The following RCOR1 variants were observed in gnomAD, a reference collection of about 807,000 sequenced individuals.
RCOR1 encodes REST corepressor 1, also known as REST corepressor.
A neutral mutation model predicts 64.0 loss-of-function variants in RCOR1; 12 were observed. The ratio of observed to expected loss-of-function variants is 0.19; its 90% CI spans 0.12 to 0.30. RCOR1 has a LOEUF of 0.30. RCOR1 is among the 10% of genes least tolerant of loss of function. RCOR1 has a pLI of 1.00. For synonymous variants in RCOR1, 279 were observed against 227.2 expected (o/e 1.23, Z -2.05); for missense variants, 502 against 621.2 (o/e 0.81, Z 2.04).
intron 3 of RCOR1, among the ~76,000 whole-genome samples, chr14:102,700,784 CTG>C (rs1356056738): frequency 6.6e-6 from 1 of 152,144 alleles, no homozygotes; most frequent in African/African-American, 2.4e-5. Context: ...TGTTTTGTTA[CTG>C]TGTGTTCTTT....
intron 2 of RCOR1, among the ~76,000 whole-genome samples, chr14:102,656,777 C>CTTTTTTTT (rs200671967): frequency 6.8e-6 from 1 of 146,500 alleles, no homozygotes; most frequent in Non-Finnish European, 1.5e-5. Context: ...GGTTTCTTTT[C>CTTTTTTTT]TTTTCTTTTT....
chr14:102,701,828 C>T (rs1440979086), intron 4 of RCOR1, among the ~76,000 whole-genome samples: 1 of 152,116 alleles, frequency 6.6e-6, no homozygotes, highest in Non-Finnish European at 1.5e-5. Flanking sequence ...AAGTAGTTCT[C>T]GTAATTCTCG....
At chr14:102,613,625 G>A (rs1411494479) in intron 2 of RCOR1, among the ~76,000 whole-genome samples, 2 of 151,424 alleles carry the variant, frequency 1.3e-5, no homozygotes, top group East Asian at 3.9e-4. Context: ...GTAGAGACGG[G>A]GTTTCACCAT....
rs192840730 is a variant in RCOR1 at position 102,626,955 on chromosome 14, C to G, written c.361+33630C>G. 1.6e-3 allele frequency among the ~76,000 whole-genome samples: 248 copies of G among 152,332 alleles called. 1 individual carries two copies. The highest frequency in any genetic ancestry group is 2.9e-3 in the Non-Finnish European group (198 of 68,034). Reference sequence around the variant, plus strand: ...GGCTGGAGAAACCATACTGATCACTCTGACTTCACAGTCATGATTACCAAG... The same window carrying G: ...GGCTGGAGAAACCATACTGATCACTGTGACTTCACAGTCATGATTACCAAG... On this transcript the variant is annotated intron_variant, in intron 2 of 11. Transcript: ENST00000262241.
At chr14:102,645,663 A>C (rs758837424) in intron 2 of RCOR1, among the ~76,000 whole-genome samples, 1 of 152,230 alleles carries the variant, frequency 6.6e-6, no homozygotes, top group Non-Finnish European at 1.5e-5. Context: ...TCCAGGTGCC[A>C]AAATCTGTTC....
At chr14:102,675,416 A>C (rs1895124365) in intron 2 of RCOR1, among the ~76,000 whole-genome samples, 1 of 152,338 alleles carries the variant, frequency 6.6e-6, no homozygotes. Context: ...ACAAAAAATA[A>C]TAAAATGAAC....
rs1595184097 is a variant in RCOR1, at chr14:102,592,691, C to T, written c.-196C>T. 5 of 1,228,160 alleles carry T rather than the reference C, an allele frequency of 4.1e-6. No homozygotes were observed. In the African/African-American group the frequency reaches 4.7e-5, roughly 11 times the overall value. The allele number at this position is 1,228,160 out of a possible 1,614,324, so 76.1% of individuals were successfully genotyped here. On this transcript the variant is annotated 5_prime_UTR_variant, in exon 1 of 12. Transcript: ENST00000262241. ...GGCGGCGATGAGAGCGAAAGTTGCGCTCGGCTCGTCGCTGGGGGCTTGAAG... is the reference window on the plus strand; with the variant it reads ...GGCGGCGATGAGAGCGAAAGTTGCGTTCGGCTCGTCGCTGGGGGCTTGAAG...
intron 8 of RCOR1, 69 bp downstream of exon 8, chr14:102,714,686 A>G: frequency 6.5e-6 from 8 of 1,225,912 alleles, no homozygotes; most frequent in Non-Finnish European, 9.1e-6. Flanking sequence ...TGTTATTCAT[A>G]TATGTGAATG....
At chr14:102,653,994 T>C (rs1456226561) in intron 2 of RCOR1, among the ~76,000 whole-genome samples, 1 of 121,714 alleles carries the variant, frequency 8.2e-6, no homozygotes, top group Non-Finnish European at 1.6e-5. Flanking sequence ...TTTTTTTTTT[T>C]TTTTTTTTTG....
Position 102,707,515 on chromosome 14 carries a change from A to G in RCOR1, c.660+3A>G, listed in dbSNP as rs763718967. 2 of 1,601,032 alleles carry G rather than the reference A, an allele frequency of 1.2e-6. No individual in the cohort carries two copies. The highest frequency in any genetic ancestry group is 1.7e-6 in the Non-Finnish European group (2 of 1,175,854). ...CTTTTCATAGAATCCAACAAATGGT[A>G]AGTAGATGAGACCACTGAGTTCTAT... On this transcript the variant is annotated splice_donor_region_variant and intron_variant, in intron 5 of 11. Coordinates refer to ENST00000262241, the MANE Select transcript of RCOR1 (RefSeq NM_015156.4).
chr14:102,706,171 A>G (rs896519344), intron 4 of RCOR1, among the ~76,000 whole-genome samples: 3 of 150,954 alleles, frequency 2.0e-5, no homozygotes, highest in African/African-American at 7.3e-5. Flanking sequence ...CAGGAAATGA[A>G]GGACATAAAA....
chr14:102,637,375 G>A (rs1028355964), intron 2 of RCOR1, among the ~76,000 whole-genome samples: 1 of 151,876 alleles, frequency 6.6e-6, no homozygotes, highest in Non-Finnish European at 1.5e-5. Context: ...TGATCTACCT[G>A]CCTTGGCCTC....
chr14:102,725,660 C>A (rs1224399886), intron 11 of RCOR1, among the ~76,000 whole-genome samples: 1 of 152,150 alleles, frequency 6.6e-6, no homozygotes, highest in East Asian at 1.9e-4. Context: ...TCACTGCAGC[C>A]TCCATCTCCC....
chr14:102,706,142 A>AAAAAAAAAAAAAAAAAAAAAAAAAAAC (rs1281591870), intron 4 of RCOR1, among the ~76,000 whole-genome samples: 1 of 138,534 alleles, frequency 7.2e-6, no homozygotes, highest in African/African-American at 2.7e-5. Flanking sequence ...AAAAAAAAAA[A>AAAAAAAAAAAAAAAAAAAAAAAAAAAC]CCTAAAAAAA....
intron 7 of RCOR1, 126 bp downstream of exon 7, chr14:102,711,139 A>G (rs1481454690): frequency 6.4e-6 from 4 of 624,892 alleles, no homozygotes; most frequent in Admixed American, 7.0e-5. Context: ...TGATATGACT[A>G]TTTTTCAACA....
rs149297176 is a variant in RCOR1 at position 102,598,789 on chromosome 14, C to T, written c.361+5464C>T. Among the ~76,000 whole-genome samples, 434 of 152,010 alleles carry T rather than the reference C, an allele frequency of 2.9e-3. 9 individuals carry two copies. The highest frequency in any genetic ancestry group is 0.024 in the Admixed American group (373 of 15,254). On this transcript the variant is annotated intron_variant, in intron 2 of 11. Coordinates refer to ENST00000262241, the MANE Select transcript of RCOR1 (RefSeq NM_015156.4). ...AAAATAATTAATACCTAGATTAGAT[C>T]GGTGTAGTGTGGCATTGCTTGGTAG...
intron 2 of RCOR1, among the ~76,000 whole-genome samples, chr14:102,650,137 G>T (rs1894555056): frequency 6.6e-6 from 1 of 150,522 alleles, no homozygotes; most frequent in Non-Finnish European, 1.5e-5. Flanking sequence ...GGTGCAGCTT[G>T]CAGGGAGCCG....
chr14:102,685,584 G>C (rs1484029878), intron 3 of RCOR1, among the ~76,000 whole-genome samples: 1 of 151,824 alleles, frequency 6.6e-6, no homozygotes, highest in Non-Finnish European at 1.5e-5. Context: ...CTGGGCTCAA[G>C]AGAGTCTCCT....
At chr14:102,597,174 C>T (rs564766599) in intron 2 of RCOR1, among the ~76,000 whole-genome samples, 18 of 151,698 alleles carry the variant, frequency 1.2e-4, no homozygotes, top group African/African-American at 4.3e-4. Context: ...TGCCCTGTCC[C>T]TACCTCAGTT....
Sources: gnomAD v4.1 joint callset for allele counts (sites outside exome capture counted in the v4.1 genomes callset) on GRCh38, gnomAD v4.1.1 for gene constraint, MANE v1.5 for transcripts, NCBI Gene and HGNC (gene_info 2026-07-23, HGNC 2026-07-21) for gene names.